SLC14A2: variants seen among roughly 807,000 people sequenced by gnomAD.
SLC14A2 encodes the protein solute carrier family 14 member 2, also known as urea transporter 2.
Under a neutral mutation model 104.6 loss-of-function variants are expected in SLC14A2, and 91 were observed. The observed-to-expected ratio is 0.87, with a 90% CI of 0.73 to 1.04. The LOEUF (loss-of-function observed/expected upper bound fraction) is 1.04. Among genes scored for constraint, SLC14A2 ranks in the 50% least tolerant of loss-of-function variants. SLC14A2 has a pLI of 0.00. For synonymous variants in SLC14A2, 476 were observed against 466.4 expected, an observed-to-expected ratio of 1.02 and a Z score of -0.27; for missense variants, 1,189 against 1,156.0, an observed-to-expected ratio of 1.03 and a Z score of -0.41.
At chr18:45,211,445 A>G (rs1004751769), upstream of SLC14A2, among the ~76,000 whole-genome samples, 4 of 152,224 alleles carry the variant, frequency 2.6e-5, no homozygotes, top group Admixed American at 2.6e-4. Context: ...CAAATTCCAC[A>G]TTGTTTCAGA....
At chr18:45,545,303 G>A (rs1473485668) in intron 2 of SLC14A2, among the ~76,000 whole-genome samples, 2 of 152,180 alleles carry the variant, frequency 1.3e-5, no homozygotes, top group African/African-American at 4.8e-5. Context: ...CACATAGGTG[G>A]AGCTGGATGG....
chr18:45,643,985 G>A lies in SLC14A2; in HGVS notation c.1177-1G>A, dbSNP rs1046113123. The A allele has an allele frequency of 6.2e-7, 1 of 1,613,764 alleles. No homozygotes were observed. On this transcript the variant is annotated splice_acceptor_variant, in intron 9 of 19. Transcript: ENST00000255226. LOFTEE classifies it high-confidence loss of function. ...TCAGTCCCCAATGCTTTTGTTTCCA[G>A]GTGGGCGTGCCACCAGGCACCTGGG...
At chr18:45,279,093 T>C (rs867856003) in intron 1 of SLC14A2, among the ~76,000 whole-genome samples, 13 of 152,310 alleles carry the variant, frequency 8.5e-5, no homozygotes, top group Middle Eastern at 3.4e-3. Context: ...TTCTGATCAG[T>C]TCTGCAGGCC....
At chr18:45,618,160 G>A (rs929703934) in intron 1 of SLC14A2, among the ~76,000 whole-genome samples, 1 of 152,216 alleles carries the variant, frequency 6.6e-6, no homozygotes, top group African/African-American at 2.4e-5. Flanking sequence ...GCCAGGAGAA[G>A]CTAGGTATCC....
At position 45,605,395 on chromosome 18, in the gene SLC14A2, G is replaced by C. The variant is rs568236477; in HGVS notation, c.-34-19236G>C. 8.5e-4 allele frequency among the ~76,000 whole-genome samples: 129 copies of C among 152,248 alleles called. 2 individuals are homozygous for C. The highest frequency in any genetic ancestry group is 2.8e-3 in the African/African-American group (118 of 41,550). ...AAAATATAACCCCCTCTGGAGAAGA[G>C]GGTGAAGATGCCCACTGACACAAAT... On this transcript the variant is annotated intron_variant, in intron 2 of 20. Transcript: ENST00000586448.
In SLC14A2 at chr18:45,227,365, G is replaced by T. The variant is rs143602149; in HGVS notation, c.-125+14174G>T. Among the ~76,000 whole-genome samples, 969 of 152,326 alleles carry T rather than the reference G, an allele frequency of 6.4e-3. 21 individuals are homozygous for T. The highest frequency in any genetic ancestry group is 0.022 in the African/African-American group (917 of 41,564). Reference sequence around the variant, plus strand: ...GAGAGTATCTCAGTCCATTTGTGCTGTTATAACAGAATACCACAGACTTGG... The same window carrying T: ...GAGAGTATCTCAGTCCATTTGTGCTTTTATAACAGAATACCACAGACTTGG... On this transcript the variant is annotated intron_variant, in intron 1 of 20. Transcript: ENST00000586448.
intron 2 of SLC14A2, among the ~76,000 whole-genome samples, chr18:45,561,683 C>T (rs1237725200): frequency 6.6e-6 from 1 of 151,996 alleles, no homozygotes; most frequent in African/African-American, 2.4e-5. Context: ...ACTCCCACTC[C>T]CCTCCCTCCC....
the SLC14A2 span, among the ~76,000 whole-genome samples, chr18:45,199,814 C>T: frequency 6.6e-6 from 1 of 152,142 alleles, no homozygotes; most frequent in Non-Finnish European, 1.5e-5. Flanking sequence ...ATGCTCATAC[C>T]TTCAATAGCC....
At chr18:45,289,739 T>C (rs2084850792) in intron 1 of SLC14A2, among the ~76,000 whole-genome samples, 1 of 152,182 alleles carries the variant, frequency 6.6e-6, no homozygotes, top group African/African-American at 2.4e-5. Flanking sequence ...TGGTGTCTGT[T>C]CCCCTGGATG....
intron 4 of SLC14A2, among the ~76,000 whole-genome samples, 164 bp downstream of exon 4, chr18:45,627,311 G>T (rs1249942879): frequency 1.3e-5 from 2 of 152,166 alleles, no homozygotes; most frequent in African/African-American, 4.8e-5. Context: ...CACTGCTCCT[G>T]CTCACAGCAT....
In SLC14A2 at chr18:45,537,107, C is replaced by T. The variant is rs1272506380; in HGVS notation, c.-35+53785C>T. Among the ~76,000 whole-genome samples, 3 of 140,274 alleles carry T rather than the reference C, an allele frequency of 2.1e-5. No homozygotes were observed. The East Asian group carries it at 6.9e-4, about 32-fold the overall frequency. The allele number at this position is 140,274 out of a possible 152,430, so 92.0% of individuals were successfully genotyped here. A position where few individuals can be genotyped will look rare whatever the true frequency, so the allele number is the denominator to read the frequency against. On this transcript the variant is annotated intron_variant, in intron 2 of 20. Coordinates refer to the SLC14A2 transcript ENST00000586448. Reference sequence around the variant, plus strand: ...CCTTCAACAAATATTTATAGACCACCATTATTTGCCAGGCACATTGTCCTA... The same window carrying T: ...CCTTCAACAAATATTTATAGACCACTATTATTTGCCAGGCACATTGTCCTA...
At chr18:45,199,366 C>A in the SLC14A2 span, among the ~76,000 whole-genome samples, 1 of 152,128 alleles carries the variant, frequency 6.6e-6, no homozygotes, top group African/African-American at 2.4e-5. Context: ...TCTTATCAGA[C>A]AGATATTGTT....
intron 1 of SLC14A2, among the ~76,000 whole-genome samples, chr18:45,622,534 C>T (rs576913104): frequency 1.3e-5 from 2 of 152,200 alleles, no homozygotes; most frequent in African/African-American, 4.8e-5. Context: ...TGAGGGTCAT[C>T]GGCAGGGAGA....
At chr18:45,283,663 C>T (rs912809850) in intron 1 of SLC14A2, among the ~76,000 whole-genome samples, 6 of 152,214 alleles carry the variant, frequency 3.9e-5, no homozygotes, top group Admixed American at 6.5e-5. Flanking sequence ...TTCAACAGGT[C>T]TCCATTGTGT....
intron 2 of SLC14A2, among the ~76,000 whole-genome samples, chr18:45,535,227 A>G (rs1397078145): frequency 3.3e-5 from 5 of 152,212 alleles, no homozygotes; most frequent in Admixed American, 2.0e-4. Flanking sequence ...TTAGCACTAC[A>G]TAACACTTGC....
chr18:45,601,249 C>T (rs1384195632), intron 2 of SLC14A2, among the ~76,000 whole-genome samples: 1 of 152,236 alleles, frequency 6.6e-6, no homozygotes, highest in Non-Finnish European at 1.5e-5. Context: ...CTTTTCTGAG[C>T]TTTATCCTAA....
rs564101599 is a variant in SLC14A2 at position 45,413,041 on chromosome 18, T to C, written c.-124-70192T>C. 3.5e-3 allele frequency among the ~76,000 whole-genome samples: 534 copies of C among 152,326 alleles called. 1 individual carries two copies. The highest frequency in any genetic ancestry group is 5.5e-3 in the Non-Finnish European group (376 of 68,028). On this transcript the variant is annotated intron_variant, in intron 1 of 20. Coordinates refer to the SLC14A2 transcript ENST00000586448. Reference sequence around the variant, plus strand: ...TAAGGTTGTCCGTTTTTCATTACTGTTGTTTTTCTGAAATGCTTTTTGTCA... The same window carrying C: ...TAAGGTTGTCCGTTTTTCATTACTGCTGTTTTTCTGAAATGCTTTTTGTCA...
At chr18:45,316,287 C>G (rs181690089) in intron 1 of SLC14A2, among the ~76,000 whole-genome samples, 3 of 152,254 alleles carry the variant, frequency 2.0e-5, no homozygotes, top group Non-Finnish European at 4.4e-5. Context: ...GGTCTCAGTC[C>G]GAAAAGACCC....
chr18:45,180,594 C>T, the SLC14A2 span, among the ~76,000 whole-genome samples: 1 of 152,000 alleles, frequency 6.6e-6, no homozygotes, highest in African/African-American at 2.4e-5. Context: ...TATTAACAGA[C>T]TTTGTAAAAA....
Sources: gnomAD v4.1 joint callset for allele counts (sites outside exome capture counted in the v4.1 genomes callset) on GRCh38, gnomAD v4.1.1 for gene constraint, MANE v1.5 for transcripts, NCBI Gene and HGNC (gene_info 2026-07-23, HGNC 2026-07-21) for gene names.